Variants in MTMR8 observed in about 807,000 individuals in gnomAD.
The protein encoded by MTMR8 is myotubularin related protein 8, also known as phosphatidylinositol-3,5-bisphosphate 3-phosphatase MTMR8.
Under a neutral mutation model 39.3 loss-of-function variants are expected in MTMR8, and 65 were observed. The ratio of observed to expected loss-of-function variants is 1.65; its 90% confidence interval spans 1.35 to 2.03. MTMR8 has a LOEUF of 2.03. Among genes scored for constraint, MTMR8 ranks in the 30% most tolerant of loss-of-function variants. MTMR8 has a pLI of 0.00. For synonymous variants in MTMR8, 245 were observed against 185.2 expected (o/e 1.32, Z -2.62); for missense variants, 777 against 538.9 (o/e 1.44, Z -4.37).
intron 1 of MTMR8, among the ~76,000 whole-genome samples, chrX:64,368,846 T>C (rs1924050039): frequency 8.9e-6 from 1 of 112,137 alleles, no homozygotes; most frequent in African/African-American, 3.2e-5. Context: ...GAGAAAATTT[T>C]TGCAATCTAC....
intron 6 of MTMR8, among the ~76,000 whole-genome samples, chrX:64,346,502 T>C (rs1232400827): frequency 4.5e-5 from 5 of 110,414 alleles, no homozygotes; most frequent in Non-Finnish European, 9.5e-5. Context: ...AATAGTCACC[T>C]AGTAGCAAGG....
chrX:64,291,947 G>C (rs934192482), intron 12 of MTMR8, among the ~76,000 whole-genome samples: 7 of 111,444 alleles, frequency 6.3e-5, no homozygotes, highest in Non-Finnish European at 9.4e-5. Flanking sequence ...CCACTAGAAA[G>C]GCACTAGGTA....
intron 5 of MTMR8, among the ~76,000 whole-genome samples, chrX:64,349,712 TAAAC>T: frequency 1.8e-5 from 2 of 111,472 alleles, no homozygotes; most frequent in East Asian, 5.7e-4. Context: ...GAAAAAGAAA[TAAAC>T]ATACTAAAAT....
intron 12 of MTMR8, among the ~76,000 whole-genome samples, chrX:64,276,866 T>C (rs910418097): frequency 9.0e-6 from 1 of 111,714 alleles, no homozygotes; most frequent in Admixed American, 9.5e-5. Context: ...AGTCTCCTAC[T>C]ATTATTCTGT....
At chrX:64,274,527 G>A (rs1931830888) in intron 12 of MTMR8, among the ~76,000 whole-genome samples, 1 of 111,575 alleles carries the variant, frequency 9.0e-6, no homozygotes, top group African/African-American at 3.3e-5. Flanking sequence ...ATTAAAAATA[G>A]AACTACCATA....
At chrX:64,383,118 A>C (rs1602158749) in intron 1 of MTMR8, among the ~76,000 whole-genome samples, 1 of 111,530 alleles carries the variant, frequency 9.0e-6, no homozygotes, top group African/African-American at 3.3e-5. Context: ...TTACTACAAC[A>C]CAGTGCAGTT....
Position 64,392,523 on chromosome X carries a change from C to A in MTMR8, c.24+2817G>T, listed in dbSNP as rs935126445. Reference sequence around the variant, plus strand: ...GTTAGAGGTCAGTATAGTAGTTTACCCTTGGGAGGGGTATTGACTGGAAGG... The same window carrying A: ...GTTAGAGGTCAGTATAGTAGTTTACACTTGGGAGGGGTATTGACTGGAAGG... On this transcript the variant is annotated intron_variant, in intron 1 of 13. Transcript: ENST00000374852. Among the ~76,000 whole-genome samples the A allele has an allele frequency of 3.6e-5, 4 of 111,104 alleles. No homozygotes were observed. In the East Asian group the frequency reaches 8.5e-4, roughly 24 times the overall value.
intron 12 of MTMR8, among the ~76,000 whole-genome samples, chrX:64,304,296 T>C (rs763739933): frequency 1.7e-4 from 19 of 112,127 alleles, no homozygotes; most frequent in African/African-American, 5.8e-4. Context: ...CAGGATCTCA[T>C]TTTGATGATT....
chrX:64,308,996 T>A (rs557493038), intron 12 of MTMR8, among the ~76,000 whole-genome samples: 1 of 112,310 alleles, frequency 8.9e-6, no homozygotes. Context: ...AATAACACCC[T>A]GTCTTAATTA....
chrX:64,375,874 A>T (rs1329178854), intron 1 of MTMR8, among the ~76,000 whole-genome samples: 1 of 111,518 alleles, frequency 9.0e-6, no homozygotes, highest in African/African-American at 3.3e-5. Flanking sequence ...GTGGTGGAGG[A>T]CAGGCCTGGT....
At chrX:64,271,124 T>C (rs1359314931) in intron 12 of MTMR8, 51 bp from the exon 13 acceptor site, 8 of 1,106,294 alleles carry the variant, frequency 7.2e-6, no homozygotes, top group Non-Finnish European at 9.5e-6. Flanking sequence ...GCTGGAGTAA[T>C]TGATTACCAA....
intron 12 of MTMR8, among the ~76,000 whole-genome samples, chrX:64,316,128 A>G (rs993383175): frequency 5.5e-4 from 62 of 111,877 alleles, no homozygotes; most frequent in Non-Finnish European, 8.5e-4. Context: ...TTCCACTGTC[A>G]TACATTTGAG....
At chrX:64,333,754 G>A (rs1923001819) in intron 10 of MTMR8, among the ~76,000 whole-genome samples, 1 of 111,263 alleles carries the variant, frequency 9.0e-6, no homozygotes, top group Non-Finnish European at 1.9e-5. Context: ...CAAACATTTG[G>A]CTTCTGCTTT....
chrX:64,300,333 A>G (rs1437706202), intron 12 of MTMR8, among the ~76,000 whole-genome samples: 2 of 111,477 alleles, frequency 1.8e-5, no homozygotes, highest in Non-Finnish European at 3.8e-5. Context: ...ACCATTATGT[A>G]ATGGCCTTGT....
chrX:64,296,147 A>G (rs1261874578), intron 12 of MTMR8, among the ~76,000 whole-genome samples: 3 of 112,164 alleles, frequency 2.7e-5, no homozygotes, highest in Non-Finnish European at 5.6e-5. Context: ...GTTCTGATAC[A>G]TGCTGCAACA....
At chrX:64,378,158 C>G (rs1250577260) in intron 1 of MTMR8, among the ~76,000 whole-genome samples, 1 of 111,779 alleles carries the variant, frequency 8.9e-6, no homozygotes, top group Non-Finnish European at 1.9e-5. Context: ...TTCCTTACAG[C>G]AATGCAAGAA....
chrX:64,302,552 G>T (rs750717843), intron 12 of MTMR8, among the ~76,000 whole-genome samples: 1 of 112,264 alleles, frequency 8.9e-6, no homozygotes, highest in African/African-American at 3.2e-5. Context: ...GGGAGCTGTA[G>T]ACCGGAGCTG....
intron 12 of MTMR8, among the ~76,000 whole-genome samples, chrX:64,301,388 A>C (rs1482968085): frequency 2.0e-5 from 2 of 100,093 alleles, no homozygotes; most frequent in Non-Finnish European, 2.1e-5. Flanking sequence ...AGGCTTCTGC[A>C]TTCTTCACGT....
intron 12 of MTMR8, among the ~76,000 whole-genome samples, chrX:64,325,186 G>A (rs774685422): frequency 0.01 from 1,133 of 111,878 alleles, 5 homozygotes; most frequent in Non-Finnish European, 0.017. Flanking sequence ...TCAAAGAAAA[G>A]CCCAGGACTT....
Sources: gnomAD v4.1 joint callset for allele counts (sites outside exome capture counted in the v4.1 genomes callset) on GRCh38, gnomAD v4.1.1 for gene constraint, MANE v1.5 for transcripts, NCBI Gene and HGNC (gene_info 2026-07-23, HGNC 2026-07-21) for gene names.